PRKN: variants seen among roughly 807,000 people sequenced by gnomAD.
The protein encoded by PRKN is E3 ubiquitin-protein ligase parkin.
A neutral mutation model predicts 59.5 loss-of-function variants in PRKN; 56 were observed. The ratio of observed to expected loss-of-function variants is 0.94; its 90% CI spans 0.76 to 1.18. The LOEUF is 1.18. Among genes scored for constraint, PRKN ranks in the 50% most tolerant of loss-of-function variants. PRKN has a pLI of 0.00. For synonymous variants in PRKN, 250 were observed against 222.1 expected (o/e 1.13, Z -1.12); for missense variants, 657 against 596.4 (o/e 1.10, Z -1.06).
intron 2 of PRKN, among the ~76,000 whole-genome samples, chr6:162,443,080 T>C (rs1278311666): frequency 6.6e-6 from 1 of 150,966 alleles, no homozygotes; most frequent in Non-Finnish European, 1.5e-5. Flanking sequence ...CGTGTGTTCT[T>C]TCTCTCTCTC....
rs1393664915 is a variant in PRKN at position 161,562,703 on chromosome 6, T to C, written c.933+6652A>G. On this transcript the variant is annotated intron_variant, in intron 8 of 11. Coordinates refer to ENST00000366898, the MANE Select transcript of PRKN (RefSeq NM_004562.3). This position sits in a 1 kb window ranked among gnomAD's most constrained non-coding sequence, Gnocchi z 4.3. ...CCCCATTTTGCTCATCTCAGTCAAA[T>C]AGAACTTTCAAACTCCTTCCTTTCC... 2.6e-5 allele frequency among the ~76,000 whole-genome samples: 4 copies of C among 152,188 alleles called. No individual in the cohort carries two copies. Among genetic ancestry groups the C allele is most frequent in the Admixed American group, 6.5e-5 (1 of 15,278 alleles).
intron 2 of PRKN, among the ~76,000 whole-genome samples, chr6:162,274,486 C>T (rs1027792962): frequency 6.6e-6 from 1 of 152,066 alleles, no homozygotes; most frequent in East Asian, 1.9e-4. Flanking sequence ...CTGTGCCTGG[C>T]GTTCAATGTT....
In PRKN at chr6:162,690,645, A is replaced by T. The variant is rs538740051; in HGVS notation, c.7+37017T>A. Among the ~76,000 whole-genome samples the T allele has an allele frequency of 1.9e-3, 284 of 152,314 alleles. 4 individuals carry two copies. Among genetic ancestry groups the T allele is most frequent in the Non-Finnish European group, 2.4e-3 (166 of 68,016 alleles). The stretch of plus-strand genomic sequence containing the variant: ...CTGATAACAGTAGATAATAAATATC[A>T]CTAGGCTGAGAAAGAGTTAAGAGGT... On this transcript the variant is annotated intron_variant, in intron 1 of 11. Transcript: ENST00000366898.
intron 1 of PRKN, among the ~76,000 whole-genome samples, chr6:162,661,925 G>T (rs1486216869): frequency 6.6e-6 from 1 of 152,034 alleles, no homozygotes; most frequent in Non-Finnish European, 1.5e-5. Flanking sequence ...TTCATCACTT[G>T]AACAGTGACC....
chr6:162,342,182 C>T (rs545540337), intron 2 of PRKN, among the ~76,000 whole-genome samples: 2 of 152,224 alleles, frequency 1.3e-5, no homozygotes, highest in South Asian at 2.1e-4. Context: ...AAAGTAGAGG[C>T]AAGAATATTT....
chr6:162,023,208 C>T (rs1393365289), intron 5 of PRKN, among the ~76,000 whole-genome samples: 1 of 152,098 alleles, frequency 6.6e-6, no homozygotes, highest in African/African-American at 2.4e-5. Context: ...CCTAAAGCCC[C>T]AGTGGGCGTG....
intron 1 of PRKN, among the ~76,000 whole-genome samples, chr6:162,565,403 C>T (rs755215165): frequency 2.0e-5 from 3 of 152,076 alleles, no homozygotes; most frequent in Non-Finnish European, 2.9e-5. Context: ...ATAACATTGG[C>T]CGGGAGCGGT....
intron 7 of PRKN, among the ~76,000 whole-genome samples, chr6:161,771,923 G>C (rs574978030): frequency 1.3e-5 from 2 of 152,256 alleles, no homozygotes; most frequent in Non-Finnish European, 2.9e-5. Flanking sequence ...GATAGTAGGA[G>C]GTCACTAGCT....
chr6:161,790,026 C>A (rs997199363), intron 6 of PRKN, among the ~76,000 whole-genome samples: 3 of 152,132 alleles, frequency 2.0e-5, no homozygotes, highest in African/African-American at 7.2e-5. Flanking sequence ...TTGGCTTACA[C>A]AATCACAGGG....
intron 9 of PRKN, among the ~76,000 whole-genome samples, chr6:161,403,078 T>C (rs1207265848): frequency 6.6e-6 from 1 of 152,138 alleles, no homozygotes. Flanking sequence ...TGGCATTTCC[T>C]GAACTCCTGC....
At chr6:162,003,931 CT>C (rs1782154692) in intron 5 of PRKN, among the ~76,000 whole-genome samples, 1 of 152,102 alleles carries the variant, frequency 6.6e-6, no homozygotes, top group South Asian at 2.1e-4. Context: ...ATGGATTTGT[CT>C]TTTTATCTTG....
rs143532413 is a variant in PRKN at position 162,315,846 on chromosome 6, G to A, written c.172-53081C>T. On this transcript the variant is annotated intron_variant, in intron 2 of 11. Transcript: ENST00000366898. ...CATTTAGTCCAAATCTATTTACTTA[G>A]AAATGTCACAAGACCAAGAAAGTAT... Among the ~76,000 whole-genome samples the A allele has an allele frequency of 2.3e-4, 35 of 152,250 alleles. No homozygotes were observed. The East Asian group carries it at 5.4e-3, about 24-fold the overall frequency.
At chr6:162,454,296 A>G (rs969424462) in intron 1 of PRKN, among the ~76,000 whole-genome samples, 4 of 152,178 alleles carry the variant, frequency 2.6e-5, no homozygotes, top group African/African-American at 9.7e-5. Context: ...AGTGTTCCCA[A>G]TGGAGCTCTA....
chr6:162,176,968 T>G (rs1783569038), intron 4 of PRKN, among the ~76,000 whole-genome samples: 1 of 145,178 alleles, frequency 6.9e-6, no homozygotes, highest in Admixed American at 6.9e-5. Context: ...TTTCATAAAA[T>G]GAAAGCAAAA....
At chr6:162,120,271 T>G (rs1269839567) in intron 4 of PRKN, among the ~76,000 whole-genome samples, 1 of 152,220 alleles carries the variant, frequency 6.6e-6, no homozygotes, top group Non-Finnish European at 1.5e-5. Flanking sequence ...CCCAAAGCAT[T>G]GGGATTATAG....
intron 4 of PRKN, among the ~76,000 whole-genome samples, chr6:162,185,532 T>C (rs946629913): frequency 1.3e-5 from 2 of 152,224 alleles, no homozygotes; most frequent in African/African-American, 4.8e-5. Context: ...TCCGGTGTTA[T>C]CTGCGTCCTT....
intron 7 of PRKN, among the ~76,000 whole-genome samples, chr6:161,623,347 G>A (rs1582905434): frequency 6.6e-6 from 1 of 152,260 alleles, no homozygotes; most frequent in East Asian, 1.9e-4. Flanking sequence ...CATAAGTCTT[G>A]TAAGTGAATG....
chr6:162,614,497 G>T (rs1782321452), intron 1 of PRKN, among the ~76,000 whole-genome samples: 1 of 152,084 alleles, frequency 6.6e-6, no homozygotes, highest in African/African-American at 2.4e-5. Context: ...CTAGAACCCT[G>T]AATATATTTA....
chr6:162,645,009 T>C (rs1337914169), intron 1 of PRKN, among the ~76,000 whole-genome samples: 3 of 152,214 alleles, frequency 2.0e-5, no homozygotes, highest in African/African-American at 4.8e-5. Context: ...CTATTAATAT[T>C]ATTGAATACC....
Sources: gnomAD v4.1 joint callset for allele counts (sites outside exome capture counted in the v4.1 genomes callset) on GRCh38, gnomAD v4.1.1 for gene constraint, Gnocchi (gnomAD v3.1) non-coding constraint, MANE v1.5 for transcripts, NCBI Gene and HGNC (gene_info 2026-07-23, HGNC 2026-07-21) for gene names.